Variants in MAD1L1 observed in about 807,000 individuals in gnomAD.
MAD1L1 encodes the protein mitotic arrest deficient 1 like 1.
A neutral mutation model predicts 96.9 loss-of-function variants in MAD1L1; 95 were observed. The observed-to-expected ratio is 0.98, with a 90% CI of 0.83 to 1.16. The LOEUF is 1.16. Ranked by LOEUF, MAD1L1 falls within the 50% of genes most tolerant of loss-of-function variation. The pLI, the probability that MAD1L1 is intolerant of heterozygous loss-of-function variation, is 0.00. For missense variants in MAD1L1, 1,007 were observed against 954.4 expected (o/e 1.06, Z -0.73); for synonymous variants, 473 against 396.6 (o/e 1.19, Z -2.29).
chr7:2,016,547 GAT>G (rs1240235001), intron 12 of MAD1L1, among the ~76,000 whole-genome samples: 2 of 152,190 alleles, frequency 1.3e-5, no homozygotes, highest in African/African-American at 2.4e-5. Flanking sequence ...CCCCAGCACT[GAT>G]GACTGCCTGG....
rs1349597082 is a variant in MAD1L1, at chr7:1,929,722, A to G, written c.1807+6965T>C. ...GCCCCGCTGCCACGTCCCCTCGCCC[A>G]TCCCCCACTGCCACGTCCCCTCGCC... is the stretch of plus-strand genomic sequence containing the variant. On this transcript the variant is annotated intron_variant, in intron 17 of 18. Coordinates refer to ENST00000265854, the MANE Select transcript of MAD1L1 (RefSeq NM_001013836.2). Among the ~76,000 whole-genome samples, 256 of 30,036 alleles carry G rather than the reference A, an allele frequency of 8.5e-3. 1 individual carries two copies. Among genetic ancestry groups the G allele is most frequent in the South Asian group, 0.022 (17 of 770 alleles). 19.7% of individuals were successfully genotyped at this position (30,036 alleles called of 152,430 possible).
Position 2,013,842 on chromosome 7 carries a change from G to A in MAD1L1, c.1359+660C>T, listed in dbSNP as rs565404232. On this transcript the variant is annotated intron_variant, in intron 13 of 18. Transcript: ENST00000265854. The stretch of plus-strand genomic sequence containing the variant: ...GACGTGGCCTCCGCCCAGGCCCTGC[G>A]ATACCCAGCTCCTTCTTCCCACTGC... Among the ~76,000 whole-genome samples the A allele has an allele frequency of 6.6e-5, 10 of 152,340 alleles. No individual in the cohort carries two copies. The South Asian group carries it at 8.3e-4, about 13-fold the overall frequency.
chr7:1,886,963 G>A (rs1404207704), intron 18 of MAD1L1, among the ~76,000 whole-genome samples: 1 of 152,288 alleles, frequency 6.6e-6, no homozygotes, highest in Non-Finnish European at 1.5e-5. Flanking sequence ...GGTTCCTGGT[G>A]AGAAGGCTTC....
At chr7:2,005,691 C>T (rs1782001170) in intron 13 of MAD1L1, among the ~76,000 whole-genome samples, 2 of 152,246 alleles carry the variant, frequency 1.3e-5, no homozygotes, top group South Asian at 4.2e-4. Flanking sequence ...GTCCCAGCTA[C>T]TCAGGGAGCT....
intron 9 of MAD1L1, among the ~76,000 whole-genome samples, chr7:2,215,215 T>C (rs565850625): frequency 2.6e-5 from 4 of 152,022 alleles, no homozygotes; most frequent in Admixed American, 2.6e-4. Flanking sequence ...CTATCTCTAC[T>C]AAAAATACAA....
intron 18 of MAD1L1, among the ~76,000 whole-genome samples, chr7:1,872,198 A>G (rs1392175584): frequency 2.6e-5 from 4 of 152,186 alleles, no homozygotes; most frequent in Non-Finnish European, 1.5e-5. Flanking sequence ...AGGGTCAGAC[A>G]TGCACACTGT....
chr7:2,156,141 CGGCGGGTGTGGCGAGGGG>C (rs1789824467), intron 10 of MAD1L1, among the ~76,000 whole-genome samples: 1 of 151,336 alleles, frequency 6.6e-6, no homozygotes, highest in Non-Finnish European at 1.5e-5. Flanking sequence ...CACGGTTTCA[CGGCGGGTGTGGCGAGGGG>C]AGCGGGCGCA....
chr7:1,828,993 C>G (rs112289207), intron 18 of MAD1L1, among the ~76,000 whole-genome samples: 190 of 152,256 alleles, frequency 1.2e-3, no homozygotes, highest in African/African-American at 4.3e-3. Flanking sequence ...GCTGCAGATA[C>G]AACCACGGAA....
chr7:1,967,853 C>T (rs1020852726), intron 15 of MAD1L1, among the ~76,000 whole-genome samples: 15 of 148,468 alleles, frequency 1.0e-4, no homozygotes, highest in African/African-American at 4.0e-4. Context: ...GTCCACACTG[C>T]TGGCAATAAA....
chr7:2,013,734 G>A (rs1024467446), intron 13 of MAD1L1, among the ~76,000 whole-genome samples: 57 of 152,338 alleles, frequency 3.7e-4, no homozygotes, highest in African/African-American at 1.3e-3. Context: ...AGGAGAACAC[G>A]GGCCTTTCAA....
intron 15 of MAD1L1, among the ~76,000 whole-genome samples, chr7:1,966,501 A>C (rs940579279): frequency 3.3e-5 from 5 of 151,536 alleles, no homozygotes; most frequent in Non-Finnish European, 7.4e-5. Flanking sequence ...AATTCACAGA[A>C]AAGTGAATTG....
chr7:2,152,550 G>A (rs920004555), intron 10 of MAD1L1, among the ~76,000 whole-genome samples: 6 of 152,282 alleles, frequency 3.9e-5, no homozygotes, highest in South Asian at 4.1e-4. Flanking sequence ...CTTCAAGAAC[G>A]TCACACGGGA....
intron 9 of MAD1L1, among the ~76,000 whole-genome samples, chr7:2,215,477 G>A (rs1423696774): frequency 6.6e-6 from 1 of 152,084 alleles, no homozygotes; most frequent in East Asian, 1.9e-4. Flanking sequence ...GGTGTTGGCA[G>A]GGTTGTGTTC....
At chr7:2,047,447 TCTGA>T (rs1433433157) in intron 12 of MAD1L1, among the ~76,000 whole-genome samples, 1 of 152,210 alleles carries the variant, frequency 6.6e-6, no homozygotes, top group Non-Finnish European at 1.5e-5. Flanking sequence ...ACTCCCTGCA[TCTGA>T]CTGTTTTCCA....
At chr7:2,044,255 C>T (rs1047938242) in intron 12 of MAD1L1, among the ~76,000 whole-genome samples, 3 of 152,214 alleles carry the variant, frequency 2.0e-5, no homozygotes, top group Non-Finnish European at 2.9e-5. Flanking sequence ...TGTGAGGACA[C>T]GCTGGGACAA....
intron 10 of MAD1L1, among the ~76,000 whole-genome samples, chr7:2,193,978 C>G (rs1056621843): frequency 8.8e-6 from 1 of 114,084 alleles, no homozygotes; most frequent in Non-Finnish European, 1.7e-5. Context: ...GGTTCTTGCT[C>G]TATCACCTAG....
At chr7:1,950,751 CA>C (rs1682873498) in intron 16 of MAD1L1, among the ~76,000 whole-genome samples, 1 of 152,214 alleles carries the variant, frequency 6.6e-6, no homozygotes. Context: ...GGGCCGTTGG[CA>C]AAGCTCAGCA....
intron 15 of MAD1L1, among the ~76,000 whole-genome samples, chr7:1,973,572 C>T (rs555825750): frequency 5.9e-5 from 9 of 151,890 alleles, no homozygotes; most frequent in East Asian, 1.9e-4. Context: ...GCCCCTAGAG[C>T]GGGAATGTGT....
intron 10 of MAD1L1, among the ~76,000 whole-genome samples, chr7:2,180,136 C>G (rs1254045043): frequency 6.6e-6 from 1 of 152,176 alleles, no homozygotes. Flanking sequence ...AGAACGCTGA[C>G]ACAGAAAAGC....
Sources: gnomAD v4.1 joint callset for allele counts (sites outside exome capture counted in the v4.1 genomes callset) on GRCh38, gnomAD v4.1.1 for gene constraint, MANE v1.5 for transcripts, NCBI Gene and HGNC (gene_info 2026-07-23, HGNC 2026-07-21) for gene names.